Variants in UTP14A observed in about 807,000 individuals in gnomAD.
The protein encoded by UTP14A is UTP14A small subunit processome component, also known as U3 small nucleolar RNA-associated protein 14 homolog A.
A neutral mutation model predicts 57.2 loss-of-function variants in UTP14A; 5 were observed. That is an observed-to-expected ratio of 0.09 (90% CI 0.05 to 0.18). UTP14A has a LOEUF of 0.18. Among genes scored for constraint, UTP14A ranks in the 10% least tolerant of loss-of-function variants. The pLI, the probability that UTP14A is intolerant of heterozygous loss-of-function variation, is 1.00. For missense variants in UTP14A, 430 were observed against 562.1 expected (o/e 0.76, Z 2.38); for synonymous variants, 169 against 210.9 (o/e 0.80, Z 1.72).
chrX:129,916,807 C>T (rs1041942672), intron 6 of UTP14A, among the ~76,000 whole-genome samples: 12 of 111,689 alleles, frequency 1.1e-4, no homozygotes, highest in Non-Finnish European at 1.5e-4. Flanking sequence ...ACATACCACT[C>T]CTTTCCCTGT....
At chrX:129,911,277 A>G (rs1054399060) in intron 5 of UTP14A, 127 bp downstream of exon 5, 3 of 931,093 alleles carry the variant, frequency 3.2e-6, no homozygotes, top group Non-Finnish European at 4.4e-6. Flanking sequence ...CCCACTATGG[A>G]TAAGATTAAA....
rs1224588577 is a variant in UTP14A at position 129,908,738 on chromosome X, A to G, written c.238+4A>G. On this transcript the variant is annotated splice_donor_region_variant and intron_variant, in intron 4 of 14. Coordinates refer to ENST00000394422, the MANE Select transcript of UTP14A (RefSeq NM_006649.4). ...GAGTTCAATGTCAGTTCTGAAGGTA[A>G]GTTGAACAAAGGAAGATACCCATGC... The G allele has an allele frequency of 8.3e-7, 1 of 1,207,890 alleles. No individual in the cohort carries two copies. The highest frequency in any genetic ancestry group is 3.0e-5 in the East Asian group (1 of 33,823).
rs751459422 is a variant in UTP14A, at chrX:129,925,150, A to G, written c.1704A>G (p.Gln568=). The change falls in exon 12 of 15, where the codon CAA becomes CAG. Residue 568 remains glutamine, a synonymous_variant. Coordinates refer to ENST00000394422, the MANE Select transcript of UTP14A (RefSeq NM_006649.4). The part of the protein sequence containing the change: ...MIDLQNLLTT[Q]SPSVKSLAVP... ...ACCTACAGAACCTCCTAACCACACA[A>G]TCTCCCTCCGTGAAGTCTTTGGCAG... 2 of 1,209,354 alleles carry G rather than the reference A, an allele frequency of 1.7e-6. No homozygotes were observed. The highest frequency in any genetic ancestry group is 1.1e-6 in the Non-Finnish European group (1 of 895,076).
At chrX:129,917,204 A>G (rs1929724879) in intron 6 of UTP14A, among the ~76,000 whole-genome samples, 1 of 112,238 alleles carries the variant, frequency 8.9e-6, no homozygotes, top group South Asian at 3.7e-4. Context: ...GGACATTACA[A>G]CATTGTAGTA....
intron 8 of UTP14A, 92 bp from the exon 9 acceptor site, chrX:129,920,365 G>T (rs1330472719): frequency 1.7e-6 from 2 of 1,164,945 alleles, no homozygotes; most frequent in Non-Finnish European, 2.3e-6. Flanking sequence ...CCAGCCCCCT[G>T]CCTAGGGAAC....
At position 129,908,046 on chromosome X, in the gene UTP14A, T is replaced by G; in HGVS notation, c.103-14T>G. On this transcript the variant is annotated splice_polypyrimidine_tract_variant and intron_variant, in intron 2 of 14. Transcript: ENST00000394422. ...CCCCCTCATCCTGATTGTTTTTCCTTTTCTGTGTCTTAGGGGGACAATGAT... is the reference window on the plus strand; with the variant it reads ...CCCCCTCATCCTGATTGTTTTTCCTGTTCTGTGTCTTAGGGGGACAATGAT... 8.3e-7 allele frequency: 1 copy of G among 1,201,768 alleles called. No individual in the cohort carries two copies.
intron 4 of UTP14A, among the ~76,000 whole-genome samples, chrX:129,910,157 C>T (rs987489270): frequency 1.5e-4 from 17 of 111,743 alleles, no homozygotes; most frequent in African/African-American, 5.2e-4. Context: ...GGCCAAGGAA[C>T]AGCTAGCACA....
At chrX:129,910,551 G>A (rs1401949249) in intron 4 of UTP14A, among the ~76,000 whole-genome samples, 5 of 111,618 alleles carry the variant, frequency 4.5e-5, no homozygotes, top group Non-Finnish European at 7.5e-5. Context: ...TTAACCACGC[G>A]TGGTGGCACG....
chrX:129,914,556 A>G (rs1344572238), intron 6 of UTP14A, among the ~76,000 whole-genome samples: 2 of 103,726 alleles, frequency 1.9e-5, no homozygotes, highest in African/African-American at 3.6e-5. Context: ...CAGCCTGAGG[A>G]AAAAAAAAAA....
chrX:129,917,302 T>C (rs970313655), intron 6 of UTP14A, among the ~76,000 whole-genome samples: 26 of 112,623 alleles, frequency 2.3e-4, no homozygotes, highest in African/African-American at 8.1e-4. Flanking sequence ...AGAATAGTTT[T>C]ATGGTTAAAT....
rs1237838899 is a variant in UTP14A, at chrX:129,921,499, G to A, written c.1260G>A (p.Leu420=). Residue 420 remains leucine, a synonymous_variant, in exon 11 of 15, where the codon TTG becomes TTA. Transcript: ENST00000394422. ...EERPVAEEEI[L]LREFEERRSL... ...GACCAGTGGCAGAAGAAGAAATTTTGTTGAGAGAATTTGAGGAAAGGCGAT... is the reference window on the plus strand; with the variant it reads ...GACCAGTGGCAGAAGAAGAAATTTTATTGAGAGAATTTGAGGAAAGGCGAT... 1.8e-5 allele frequency: 22 copies of A among 1,209,750 alleles called. No individual in the cohort carries two copies. Among genetic ancestry groups the A allele is most frequent in the Non-Finnish European group, 2.3e-5 (21 of 895,303 alleles).
intron 11 of UTP14A, 52 bp downstream of exon 11, chrX:129,921,639 A>G: frequency 2.7e-6 from 3 of 1,131,154 alleles, no homozygotes; most frequent in Non-Finnish European, 3.5e-6. Context: ...TGGACAGACT[A>G]TGGGAGAAAA....
At chrX:129,907,281 G>T in intron 1 of UTP14A, 86 bp from the exon 2 acceptor site, 3 of 727,097 alleles carry the variant, frequency 4.1e-6, no homozygotes, top group South Asian at 3.1e-5. Flanking sequence ...TTTTAATTTC[G>T]ACTTTTATTA....
chrX:129,917,765 C>T (rs1929743932), intron 6 of UTP14A, among the ~76,000 whole-genome samples: 1 of 110,715 alleles, frequency 9.0e-6, no homozygotes, highest in African/African-American at 3.3e-5. Context: ...CTTGTGGGCT[C>T]AAGCAATCCT....
intron 1 of UTP14A, 106 bp from the exon 2 acceptor site, chrX:129,907,261 A>G: frequency 6.6e-6 from 4 of 607,461 alleles, no homozygotes; most frequent in Non-Finnish European, 9.9e-6. Flanking sequence ...TCAAATAATA[A>G]TATTTCTTTT....
Position 129,925,001 on chromosome X carries a change from AAAG to A in UTP14A, c.1561_1563del (p.Glu521del), listed in dbSNP as rs745947587. On this transcript the variant is annotated inframe_deletion, in exon 12 of 15. Transcript: ENST00000394422. ...GCTGGAAGAGCTAGAAGAGCTGGGA[AAAG>A]AAGAATGTTTTCAAAATAAGGAGCT... The A allele has an allele frequency of 4.1e-5, 49 of 1,209,552 alleles. No homozygotes were observed. The highest frequency in any genetic ancestry group is 5.4e-5 in the Non-Finnish European group (48 of 895,205).
chrX:129,913,933 A>G (rs760347826), intron 6 of UTP14A, among the ~76,000 whole-genome samples: 26 of 111,663 alleles, frequency 2.3e-4, no homozygotes, highest in Non-Finnish European at 4.0e-4. Flanking sequence ...GTGAGCCGAG[A>G]TTGTGCCACT....
Position 129,907,417 on chromosome X carries a change from A to G in UTP14A, c.77A>G (p.Tyr26Cys). 1 of 1,209,850 alleles carries G rather than the reference A, an allele frequency of 8.3e-7. No individual in the cohort carries two copies. ...QEELADLPKD[Y>C]LLSESEDEGD... Reference sequence around the variant, plus strand: ...GAACTAGCGGATTTGCCAAAAGACTACCTCTTGAGTGAGAGTGAAGATGAG... The same window carrying G: ...GAACTAGCGGATTTGCCAAAAGACTGCCTCTTGAGTGAGAGTGAAGATGAG... Residue 26 changes from tyrosine to cysteine, a missense_variant, in exon 2 of 15, where the codon TAC becomes TGC. Around this residue, in one of 4 missense-constraint regions of UTP14A, gnomAD observed 145 missense variants for 153.5 expected, o/e 0.94. Transcript: ENST00000394422.
chrX:129,910,509 AC>A lies in UTP14A; in HGVS notation c.239-495del. On this transcript the variant is annotated intron_variant, in intron 4 of 14. Coordinates refer to ENST00000394422, the MANE Select transcript of UTP14A (RefSeq NM_006649.4). ...AGGCTGGCCTGGGCAACATGGCAAA[AC>A]CCCATCTCTACAAAAAAAAAATTAA... is the stretch of plus-strand genomic sequence containing the variant. Among the ~76,000 whole-genome samples the A allele has an allele frequency of 2.7e-5, 3 of 109,400 alleles. 1 individual carries two copies. In the Middle Eastern group the frequency reaches 0.014, roughly 521 times the overall value.
Sources: allele counts gnomAD v4.1 joint callset (sites outside exome capture counted in the v4.1 genomes callset), GRCh38; gene constraint gnomAD v4.1.1; regional missense constraint gnomAD v4.1.1; transcripts MANE v1.5; gene names NCBI Gene and HGNC (gene_info 2026-07-23, HGNC 2026-07-21).